Variants in EPHA6 observed in about 807,000 individuals in gnomAD.
EPHA6 encodes EPH receptor A6, also known as ephrin type-A receptor 6.
In EPHA6, 50 loss-of-function variants were observed where a neutral mutation model predicts 112.0. The ratio of observed to expected loss-of-function variants is 0.45; its 90% confidence interval spans 0.36 to 0.56. The LOEUF is 0.56. Ranked by LOEUF, EPHA6 falls within the 20% of genes least tolerant of loss-of-function variation. The pLI is 0.00. For synonymous variants in EPHA6, 529 were observed against 490.7 expected, an observed-to-expected ratio of 1.08 and a Z score of -1.03; for missense variants, 1,280 against 1,417.4, an observed-to-expected ratio of 0.90 and a Z score of 1.56.
intron 14 of EPHA6, among the ~76,000 whole-genome samples, chr3:97,711,868 A>G (rs1322766105): frequency 1.3e-5 from 2 of 152,188 alleles, no homozygotes; most frequent in Admixed American, 6.5e-5. Context: ...CATAAAATTA[A>G]TCATCACAGA....
At chr3:97,734,449 A>C (rs1461397091) in intron 15 of EPHA6, among the ~76,000 whole-genome samples, 1 of 152,082 alleles carries the variant, frequency 6.6e-6, no homozygotes, top group East Asian at 1.9e-4. Flanking sequence ...CAGATGAGAA[A>C]AATCCTGTTC....
intron 5 of EPHA6, among the ~76,000 whole-genome samples, chr3:97,253,599 C>G (rs551180839): frequency 6.6e-6 from 1 of 152,002 alleles, no homozygotes; most frequent in Non-Finnish European, 1.5e-5. Flanking sequence ...CCTAAGTAAT[C>G]TTTTATTAAA....
At chr3:97,160,321 C>G (rs1357513748) in intron 3 of EPHA6, among the ~76,000 whole-genome samples, 1 of 152,072 alleles carries the variant, frequency 6.6e-6, no homozygotes, top group Non-Finnish European at 1.5e-5. Context: ...CTCTGTCACC[C>G]AGTGCAGTGC....
intron 14 of EPHA6, among the ~76,000 whole-genome samples, chr3:97,679,363 A>T (rs928054993): frequency 1.3e-5 from 2 of 152,164 alleles, no homozygotes; most frequent in Admixed American, 6.5e-5. Flanking sequence ...ATGGAAAATT[A>T]TGAGTAGCAT....
chr3:97,140,164 A>T (rs1671246729), intron 3 of EPHA6, among the ~76,000 whole-genome samples: 3 of 152,044 alleles, frequency 2.0e-5, no homozygotes, highest in Admixed American at 1.3e-4. Context: ...AAAAAAATAT[A>T]TTTAAAAAAA....
At chr3:97,035,206 A>G (rs1432137627) in intron 3 of EPHA6, among the ~76,000 whole-genome samples, 1 of 151,852 alleles carries the variant, frequency 6.6e-6, no homozygotes, top group East Asian at 1.9e-4. Flanking sequence ...AGAAGTACAC[A>G]AGCACTCCAG....
chr3:97,410,163 A>G (rs2107111623), intron 6 of EPHA6, among the ~76,000 whole-genome samples: 1 of 152,170 alleles, frequency 6.6e-6, no homozygotes, highest in East Asian at 1.9e-4. Context: ...CACACTTTGC[A>G]CAATAAGTCT....
chr3:97,124,438 C>T (rs2048125357), intron 3 of EPHA6, among the ~76,000 whole-genome samples: 1 of 144,760 alleles, frequency 6.9e-6, no homozygotes, highest in Non-Finnish European at 1.5e-5. Flanking sequence ...AAAAGTTTGC[C>T]CTGAATGATT....
chr3:97,744,043 T>G (rs1260168582), intron 16 of EPHA6, among the ~76,000 whole-genome samples: 1 of 151,976 alleles, frequency 6.6e-6, no homozygotes, highest in African/African-American at 2.4e-5. Context: ...TTTTATTGTA[T>G]TGAAATTTTA....
At chr3:97,526,216 A>G (rs2107633237) in intron 10 of EPHA6, among the ~76,000 whole-genome samples, 1 of 152,292 alleles carries the variant, frequency 6.6e-6, no homozygotes, top group African/African-American at 2.4e-5. Context: ...GCACTGTGGG[A>G]CATGCCTTCT....
chr3:97,377,293 C>T (rs1386151967), intron 5 of EPHA6, among the ~76,000 whole-genome samples: 2 of 152,098 alleles, frequency 1.3e-5, no homozygotes, highest in East Asian at 1.9e-4. Flanking sequence ...TTTCTCATTT[C>T]CTCTTGCCAC....
At chr3:97,446,180 G>A (rs1007744609) in intron 6 of EPHA6, among the ~76,000 whole-genome samples, 2 of 152,134 alleles carry the variant, frequency 1.3e-5, no homozygotes, top group African/African-American at 4.8e-5. Flanking sequence ...GGAGGAGAGA[G>A]GTCTGCTGTG....
At position 97,244,059 on chromosome 3, in the gene EPHA6, A is replaced by T; in HGVS notation, c.1378A>T (p.Ser460Cys). The T allele has an allele frequency of 6.2e-7, 1 of 1,612,850 alleles. No individual in the cohort carries two copies. Among genetic ancestry groups the T allele is most frequent in the Non-Finnish European group, 8.5e-7 (1 of 1,179,242 alleles). Residue 460 changes from serine (S) to cysteine (C), a missense_variant, in exon 5 of 18, where the codon AGT becomes TGT. Physicochemically the swap from Ser to Cys is moderately radical, Grantham distance 112. This residue lies in a region of EPHA6 where 878 missense variants were observed against 999.7 expected (regional missense o/e 0.88). Coordinates refer to ENST00000389672, the MANE Select transcript of EPHA6 (RefSeq NM_001080448.3). ...DTGGRKDLTY[S>C]VICKKCGLDT... ...AGGAGGGAGAAAAGATCTCACATAC[A>T]GTGTAATCTGTAAGAAATGTGGCTT...
At chr3:97,538,402 T>C (rs1477056907) in intron 11 of EPHA6, among the ~76,000 whole-genome samples, 1 of 152,074 alleles carries the variant, frequency 6.6e-6, no homozygotes, top group Non-Finnish European at 1.5e-5. Flanking sequence ...AAATAACAGA[T>C]CTAGAGGGAA....
chr3:97,491,773 C>A (rs1311371562), intron 10 of EPHA6, among the ~76,000 whole-genome samples: 4 of 151,840 alleles, frequency 2.6e-5, no homozygotes. Context: ...AATGTCGGCC[C>A]TGTGAGTTGT....
chr3:97,232,641 A>G (rs72924435), intron 4 of EPHA6, among the ~76,000 whole-genome samples: 1,911 of 152,302 alleles, frequency 0.013, 44 homozygotes, highest in African/African-American at 0.042. Flanking sequence ...GTATGAGACC[A>G]AGGCAAGTTT....
chr3:97,523,396 G>C (rs1270709422), intron 10 of EPHA6, among the ~76,000 whole-genome samples: 1 of 151,950 alleles, frequency 6.6e-6, no homozygotes, highest in South Asian at 2.1e-4. Context: ...AAATATACTT[G>C]ATATTATTTC....
intron 2 of EPHA6, among the ~76,000 whole-genome samples, chr3:96,898,795 C>T (rs1339984116): frequency 2.6e-5 from 4 of 151,702 alleles, no homozygotes; most frequent in South Asian, 2.1e-4. Flanking sequence ...TTTGGGAGGC[C>T]GAGACGGGCG....
At chr3:96,924,572 G>A (rs186106354) in intron 2 of EPHA6, among the ~76,000 whole-genome samples, 33 of 152,202 alleles carry the variant, frequency 2.2e-4, no homozygotes, top group African/African-American at 7.7e-4. Context: ...CTGGATAAGG[G>A]ATCATACCAT....
Sources: gnomAD v4.1 joint callset for allele counts (sites outside exome capture counted in the v4.1 genomes callset) on GRCh38, gnomAD v4.1.1 for gene constraint, gnomAD v4.1.1 regional missense constraint, MANE v1.5 for transcripts, NCBI Gene and HGNC (gene_info 2026-07-23, HGNC 2026-07-21) for gene names.